Variants in SHISA6 observed in about 807,000 individuals in gnomAD.
SHISA6 encodes the protein protein shisa-6.
In SHISA6, 22 loss-of-function variants were observed where a neutral mutation model predicts 47.9. That is an observed-to-expected ratio of 0.46 (90% CI 0.33 to 0.66). The LOEUF (loss-of-function observed/expected upper bound fraction) is 0.66. Ranked by LOEUF, SHISA6 falls within the 30% of genes least tolerant of loss-of-function variation. SHISA6 has a pLI of 0.02. For missense variants in SHISA6, 680 were observed against 764.6 expected, an observed-to-expected ratio of 0.89 and a Z score of 1.30; for synonymous variants, 388 against 337.8, an observed-to-expected ratio of 1.15 and a Z score of -1.63.
intron 3 of SHISA6, among the ~76,000 whole-genome samples, chr17:11,520,137 C>A (rs1475247789): frequency 6.6e-6 from 1 of 152,120 alleles, no homozygotes; most frequent in Non-Finnish European, 1.5e-5. Flanking sequence ...CTCTGAACTC[C>A]AGAATCATAA....
intron 3 of SHISA6, among the ~76,000 whole-genome samples, chr17:11,393,539 G>A (rs1913461767): frequency 6.6e-6 from 1 of 152,020 alleles, no homozygotes; most frequent in East Asian, 1.9e-4. Flanking sequence ...CTAACCTAAT[G>A]TATTCCAGTG....
chr17:11,430,357 C>T (rs543449697), intron 3 of SHISA6, among the ~76,000 whole-genome samples: 17 of 152,196 alleles, frequency 1.1e-4, no homozygotes, highest in East Asian at 1.9e-4. Context: ...AGTGTTTTAC[C>T]GCAAGACCCT....
At chr17:11,325,837 T>C (rs1042230976) in intron 2 of SHISA6, among the ~76,000 whole-genome samples, 10 of 152,216 alleles carry the variant, frequency 6.6e-5, no homozygotes, top group Admixed American at 2.6e-4. Flanking sequence ...CTTTCCTGCT[T>C]TGAAAGCCTA....
intron 3 of SHISA6, among the ~76,000 whole-genome samples, chr17:11,508,888 T>C (rs1411728372): frequency 2.2e-5 from 3 of 138,862 alleles, no homozygotes; most frequent in African/African-American, 8.1e-5. Context: ...CAGATGCAAG[T>C]TGTGATGGGG....
At chr17:11,527,994 A>G (rs1323242088) in intron 3 of SHISA6, among the ~76,000 whole-genome samples, 2 of 152,178 alleles carry the variant, frequency 1.3e-5, no homozygotes, top group East Asian at 1.9e-4. Flanking sequence ...ACTGGTAATT[A>G]TGTACTCATT....
intron 2 of SHISA6, among the ~76,000 whole-genome samples, chr17:11,317,198 T>A (rs868781562): frequency 6.6e-6 from 1 of 152,158 alleles, no homozygotes; most frequent in Non-Finnish European, 1.5e-5. Flanking sequence ...TGAATTATTA[T>A]GTCTTTTGTC....
At chr17:11,338,236 A>G (rs1190047768) in intron 2 of SHISA6, among the ~76,000 whole-genome samples, 1 of 151,732 alleles carries the variant, frequency 6.6e-6, no homozygotes, top group Non-Finnish European at 1.5e-5. Flanking sequence ...TGTTGGGAGC[A>G]CTCTCCTCTC....
At chr17:11,534,161 T>TC (rs11449286) in intron 3 of SHISA6, among the ~76,000 whole-genome samples, 52,258 of 121,260 alleles carry the variant, frequency 0.43, 8,664 homozygotes, top group East Asian at 0.53. Context: ...TTTTTTCTTT[T>TC]TTTTTTTTTT....
chr17:11,466,892 G>A (rs1463442127), intron 3 of SHISA6, among the ~76,000 whole-genome samples: 4 of 152,050 alleles, frequency 2.6e-5, no homozygotes, highest in Non-Finnish European at 4.4e-5. Flanking sequence ...GGACACTTTT[G>A]TGCAGATCAG....
intron 2 of SHISA6, among the ~76,000 whole-genome samples, chr17:11,282,747 A>T (rs1049596327): frequency 8.5e-5 from 13 of 152,198 alleles, no homozygotes; most frequent in African/African-American, 2.4e-4. Context: ...CATATTCACC[A>T]TTGTAACCCG....
chr17:11,435,006 G>A (rs1036214213), intron 3 of SHISA6, among the ~76,000 whole-genome samples: 2 of 152,092 alleles, frequency 1.3e-5, no homozygotes, highest in Non-Finnish European at 2.9e-5. Context: ...ATTAAGAGAT[G>A]AGACCTTTGG....
intron 2 of SHISA6, among the ~76,000 whole-genome samples, chr17:11,345,447 T>C (rs920168155): frequency 2.0e-5 from 3 of 152,172 alleles, no homozygotes. Flanking sequence ...TACTTGAAAT[T>C]GTGTTGACTA....
chr17:11,425,987 G>A (rs1305322106), intron 3 of SHISA6, among the ~76,000 whole-genome samples: 1 of 152,166 alleles, frequency 6.6e-6, no homozygotes, highest in Admixed American at 6.5e-5. Flanking sequence ...CCTTGAACAT[G>A]CTCCCACTGT....
chr17:11,368,944 C>A (rs545453648), intron 2 of SHISA6, among the ~76,000 whole-genome samples: 1 of 152,162 alleles, frequency 6.6e-6, no homozygotes, highest in African/African-American at 2.4e-5. Flanking sequence ...CATGGGCCAC[C>A]GAACCCGGCC....
intron 2 of SHISA6, among the ~76,000 whole-genome samples, chr17:11,281,386 A>C (rs1397035128): frequency 6.6e-6 from 1 of 152,170 alleles, no homozygotes; most frequent in Non-Finnish European, 1.5e-5. Flanking sequence ...GGTCAAGTGC[A>C]TCTTTTGTAT....
chr17:11,468,331 ATACAGATGGCTG>A (rs1915859004), intron 3 of SHISA6, among the ~76,000 whole-genome samples: 1 of 151,964 alleles, frequency 6.6e-6, no homozygotes, highest in African/African-American at 2.4e-5. Flanking sequence ...CTTAGCTGAG[ATACAGATGGCTG>A]TACAGAGCCA....
intron 2 of SHISA6, among the ~76,000 whole-genome samples, chr17:11,291,604 G>A (rs576917741): frequency 4.7e-4 from 71 of 152,074 alleles, no homozygotes; most frequent in South Asian, 3.5e-3. Context: ...ACTACACTCC[G>A]GCCTGGGCGA....
intron 3 of SHISA6, among the ~76,000 whole-genome samples, chr17:11,522,809 T>G (rs886831565): frequency 4.6e-5 from 7 of 152,204 alleles, no homozygotes; most frequent in African/African-American, 1.4e-4. Flanking sequence ...TTCATATTAT[T>G]TGTTCCTTAT....
At chr17:11,517,229 A>G (rs1289798725) in intron 3 of SHISA6, among the ~76,000 whole-genome samples, 3 of 152,196 alleles carry the variant, frequency 2.0e-5, no homozygotes, top group African/African-American at 7.2e-5. Context: ...AAAGGAGGAA[A>G]GCAGGCTGGA....
Sources: allele counts gnomAD v4.1 joint callset (sites outside exome capture counted in the v4.1 genomes callset), GRCh38; gene constraint gnomAD v4.1.1; transcripts MANE v1.5; gene names NCBI Gene and HGNC (gene_info 2026-07-23, HGNC 2026-07-21).